The following CNTN5 variants were observed in gnomAD, a reference collection of about 807,000 sequenced individuals.
CNTN5 encodes contactin-5.
In CNTN5, 77 loss-of-function variants were observed where a neutral mutation model predicts 129.1. That is an observed-to-expected ratio of 0.60 (90% CI 0.50 to 0.72). The LOEUF (loss-of-function observed/expected upper bound fraction) is 0.72. Ranked by LOEUF, CNTN5 falls within the 30% of genes least tolerant of loss-of-function variation. CNTN5 has a pLI of 0.00. For synonymous variants in CNTN5, 509 were observed against 465.6 expected (o/e 1.09, Z -1.20); for missense variants, 1,478 against 1,328.8 (o/e 1.11, Z -1.75).
intron 2 of CNTN5, among the ~76,000 whole-genome samples, chr11:99,444,491 A>G (rs1370722366): frequency 6.6e-6 from 1 of 152,192 alleles, no homozygotes; most frequent in Non-Finnish European, 1.5e-5. Context: ...CACGTTAGTG[A>G]GAAAAAAAGT....
intron 2 of CNTN5, among the ~76,000 whole-genome samples, chr11:99,384,157 C>T (rs1205669376): frequency 6.6e-6 from 1 of 152,124 alleles, no homozygotes; most frequent in Non-Finnish European, 1.5e-5. Context: ...TTTTACAAGG[C>T]AAAGCTATAA....
At chr11:99,694,411 C>G (rs578002334) in intron 3 of CNTN5, among the ~76,000 whole-genome samples, 2 of 152,204 alleles carry the variant, frequency 1.3e-5, no homozygotes, top group African/African-American at 4.8e-5. Context: ...ATCATGTAGC[C>G]TTTACAGAAA....
At chr11:99,316,562 G>A (rs575915821) in intron 1 of CNTN5, among the ~76,000 whole-genome samples, 6 of 152,022 alleles carry the variant, frequency 3.9e-5, no homozygotes, top group Non-Finnish European at 8.8e-5. Context: ...GTTTTCAGGT[G>A]TATTTTATTT....
At chr11:99,112,217 A>G (rs1343874376) in intron 1 of CNTN5, among the ~76,000 whole-genome samples, 1 of 152,078 alleles carries the variant, frequency 6.6e-6, no homozygotes, top group Non-Finnish European at 1.5e-5. Context: ...ATTGCAGTTT[A>G]TAAATTAACT....
intron 3 of CNTN5, among the ~76,000 whole-genome samples, chr11:99,677,641 C>T (rs1953349446): frequency 1.3e-5 from 2 of 152,086 alleles, no homozygotes; most frequent in Admixed American, 1.3e-4. Flanking sequence ...TTTCAAAGTC[C>T]ACATTAAAAA....
intron 17 of CNTN5, among the ~76,000 whole-genome samples, chr11:100,257,220 C>G (rs1950090214): frequency 6.6e-6 from 1 of 152,112 alleles, no homozygotes; most frequent in Admixed American, 6.5e-5. Context: ...CTGCTGTAGC[C>G]AGACTGCCTC....
In CNTN5 at chr11:100,286,653, G is replaced by A. The variant is rs563803282; in HGVS notation, c.2315-10972G>A. ...AAAGTAGATAAAACCACAAAGATGG[G>A]GAAAAAACACAACAGAAAAACTGGA... On this transcript the variant is annotated intron_variant, in intron 18 of 24. Coordinates refer to ENST00000524871, the MANE Select transcript of CNTN5 (RefSeq NM_014361.4). Among the ~76,000 whole-genome samples, 345 of 149,602 alleles carry A rather than the reference G, an allele frequency of 2.3e-3. 4 individuals carry two copies. The highest frequency in any genetic ancestry group is 3.4e-3 in the Non-Finnish European group (231 of 67,862).
intron 6 of CNTN5, among the ~76,000 whole-genome samples, chr11:99,863,245 C>G (rs79575079): frequency 3.3e-5 from 5 of 151,978 alleles, no homozygotes; most frequent in Admixed American, 1.3e-4. Flanking sequence ...AAAGCAGATG[C>G]TTTTCTCTCC....
intron 1 of CNTN5, among the ~76,000 whole-genome samples, chr11:99,313,872 G>A (rs529377507): frequency 1.1e-4 from 17 of 151,984 alleles, no homozygotes; most frequent in Admixed American, 5.3e-4. Flanking sequence ...ATCCTTAGTC[G>A]TATCGTAGAC....
At position 99,260,678 on chromosome 11, in the gene CNTN5, A is replaced by G. The variant is rs1862585839; in HGVS notation, c.-209-64668A>G. Among the ~76,000 whole-genome samples, 3 of 151,930 alleles carry G rather than the reference A, an allele frequency of 2.0e-5. No homozygotes were observed. The South Asian group carries it at 6.2e-4, about 31-fold the overall frequency. On this transcript the variant is annotated intron_variant, in intron 1 of 24. Coordinates refer to ENST00000524871, the MANE Select transcript of CNTN5 (RefSeq NM_014361.4). The stretch of plus-strand genomic sequence containing the variant: ...ACAATCCTCTTGTTTTTAGAGAGGC[A>G]GTGTGTAGAAAAAATATGGTATTAT...
intron 3 of CNTN5, among the ~76,000 whole-genome samples, chr11:99,766,016 C>T (rs1053021045): frequency 1.3e-5 from 2 of 151,926 alleles, no homozygotes; most frequent in African/African-American, 4.8e-5. Flanking sequence ...TCTTGAATAT[C>T]ATCTGTGATT....
chr11:99,759,097 C>G (rs925211350), intron 3 of CNTN5, among the ~76,000 whole-genome samples: 5 of 151,966 alleles, frequency 3.3e-5, no homozygotes, highest in African/African-American at 1.2e-4. Flanking sequence ...CATAGCAACT[C>G]TATAAGGTGG....
At chr11:99,819,830 G>T in intron 4 of CNTN5, 65 bp downstream of exon 4, 4 of 508,288 alleles carry the variant, frequency 7.9e-6, no homozygotes, top group Non-Finnish European at 1.1e-5. Flanking sequence ...ATTTAATACT[G>T]TTGCAACAGA....
intron 2 of CNTN5, among the ~76,000 whole-genome samples, chr11:99,402,093 G>A (rs1941841913): frequency 6.6e-6 from 1 of 152,050 alleles, no homozygotes; most frequent in Non-Finnish European, 1.5e-5. Flanking sequence ...TAACTAGGGT[G>A]TCCAGTACTG....
chr11:99,667,855 TGGCACA>T (rs2135936861), intron 3 of CNTN5, among the ~76,000 whole-genome samples: 2 of 152,020 alleles, frequency 1.3e-5, no homozygotes, highest in South Asian at 4.2e-4. Context: ...CAAACCACCA[TGGCACA>T]GGTATATCTG....
chr11:99,407,906 ACT>A (rs1942161143), intron 2 of CNTN5, among the ~76,000 whole-genome samples: 2 of 151,958 alleles, frequency 1.3e-5, no homozygotes, highest in East Asian at 1.9e-4. Context: ...GCACAAAAAT[ACT>A]CTCTGCATCA....
At chr11:99,730,989 C>G (rs35267661) in intron 3 of CNTN5, among the ~76,000 whole-genome samples, 1 of 152,154 alleles carries the variant, frequency 6.6e-6, no homozygotes, top group Non-Finnish European at 1.5e-5. Flanking sequence ...GTTGTACTCT[C>G]TACCTCCATG....
At chr11:99,667,746 G>A (rs909828993) in intron 3 of CNTN5, among the ~76,000 whole-genome samples, 1 of 152,074 alleles carries the variant, frequency 6.6e-6, no homozygotes, top group Non-Finnish European at 1.5e-5. Flanking sequence ...GCTGAACAAT[G>A]AGAACACATG....
chr11:100,025,072 G>C (rs969711770), intron 9 of CNTN5, among the ~76,000 whole-genome samples: 1 of 152,226 alleles, frequency 6.6e-6, no homozygotes, highest in Non-Finnish European at 1.5e-5. Flanking sequence ...GGTCTTCACT[G>C]CAACCCTTCC....
Sources: gnomAD v4.1 joint callset for allele counts (sites outside exome capture counted in the v4.1 genomes callset) on GRCh38, gnomAD v4.1.1 for gene constraint, MANE v1.5 for transcripts, NCBI Gene and HGNC (gene_info 2026-07-23, HGNC 2026-07-21) for gene names.